The following L3MBTL2 variants were observed in gnomAD, a reference collection of about 807,000 sequenced individuals.
L3MBTL2 encodes lethal(3)malignant brain tumor-like protein 2.
Under a neutral mutation model 86.4 loss-of-function variants are expected in L3MBTL2, and 49 were observed. The ratio of observed to expected loss-of-function variants is 0.57; its 90% confidence interval spans 0.45 to 0.72. The LOEUF is 0.72. L3MBTL2 is among the 30% of genes least tolerant of loss of function. The pLI, the probability that L3MBTL2 is intolerant of heterozygous loss-of-function variation, is 0.00. For missense variants in L3MBTL2, 755 were observed against 923.7 expected (o/e 0.82, Z 2.37); for synonymous variants, 336 against 350.6 (o/e 0.96, Z 0.47).
At chr22:41,207,838 C>CTT (rs950677518) in intron 1 of L3MBTL2, among the ~76,000 whole-genome samples, 1 of 144,794 alleles carries the variant, frequency 6.9e-6, no homozygotes, top group Non-Finnish European at 1.5e-5. Context: ...CACCACCCAG[C>CTT]TTTTTTTTTT....
chr22:41,214,608 ACCTCATCTCAGGGG>A (rs1197399871), intron 3 of L3MBTL2: 5 of 152,048 alleles, frequency 3.3e-5, no homozygotes, highest in African/African-American at 1.2e-4. Context: ...TGAGGCTGGA[ACCTCATCTCAGGGG>A]CCTCATCTTA....
Position 41,230,746 on chromosome 22 carries a change from A to G in L3MBTL2, c.*495A>G, listed in dbSNP as rs565761482. On this transcript the variant is annotated 3_prime_UTR_variant, in exon 17 of 17. Coordinates refer to ENST00000216237, the MANE Select transcript of L3MBTL2 (RefSeq NM_031488.5). ...TGTGGTGGGGGCAGCCTCTGCCTCA[A>G]AAATTCACCAAGCAGAATGCCTCTC... 1 of 154,172 alleles carries G rather than the reference A, an allele frequency of 6.5e-6. No homozygotes were observed. Among genetic ancestry groups the G allele is most frequent in the East Asian group, 1.9e-4 (1 of 5,192 alleles). The allele number at this position is 154,172 out of a possible 1,614,324, so 9.6% of individuals were successfully genotyped here. A position where few individuals can be genotyped will look rare whatever the true frequency, so the allele number is the denominator to read the frequency against.
At position 41,227,480 on chromosome 22, in the gene L3MBTL2, C is replaced by A; in HGVS notation, c.1822+157C>A. On this transcript the variant is annotated intron_variant, in intron 14 of 16. Coordinates refer to ENST00000216237, the MANE Select transcript of L3MBTL2 (RefSeq NM_031488.5). The surrounding 1 kb of genome is among the most constrained non-coding windows in gnomAD (Gnocchi z 6.0). ...AGTGAGCCCCGTCACCCAGCCCCTG[C>A]TCCTGACTTCTCTGTCTCCCTTTCC... The A allele has an allele frequency of 8.1e-7, 1 of 1,228,130 alleles. No individual in the cohort carries two copies. The highest frequency in any genetic ancestry group is 1.2e-6 in the Non-Finnish European group (1 of 854,576). 76.1% of individuals were successfully genotyped at this position (1,228,130 alleles called of 1,614,324 possible). A position where few individuals can be genotyped will look rare whatever the true frequency, so the allele number is the denominator to read the frequency against.
chr22:41,220,820 C>G lies in L3MBTL2; in HGVS notation c.805C>G (p.Pro269Ala). The G allele has an allele frequency of 6.2e-7, 1 of 1,613,998 alleles. No homozygotes were observed. Among genetic ancestry groups the G allele is most frequent in the Non-Finnish European group, 8.5e-7 (1 of 1,179,936 alleles). ...WCNLGTVDVH[P>A]IGWCAINSKI... ...CAACCTGGGAACAGTGGATGTCCAC[C>G]CCATTGGCTGGTGTGCCATCAACAG... Residue 269 changes from proline to alanine, a missense_variant, in exon 7 of 17, where the codon CCC becomes GCC. Pro to Ala is a conservative substitution (Grantham distance 27). Transcript: ENST00000216237.
Position 41,227,635 on chromosome 22 carries a change from G to A in L3MBTL2, c.1823-169G>A, listed in dbSNP as rs967446933. On this transcript the variant is annotated intron_variant, in intron 14 of 16. Coordinates refer to ENST00000216237, the MANE Select transcript of L3MBTL2 (RefSeq NM_031488.5). The surrounding 1 kb of genome is among the most constrained non-coding windows in gnomAD (Gnocchi z 6.0). ...ACAAGGGTGGGAAGAAGGGACAGCT[G>A]TTCTCCGGCCCCTCCTCCAGCCCCG... is the stretch of plus-strand genomic sequence containing the variant. 1 of 1,549,026 alleles carries A rather than the reference G, an allele frequency of 6.5e-7. No homozygotes were observed.
chr22:41,223,451 A>T (rs2031971410), intron 8 of L3MBTL2, among the ~76,000 whole-genome samples: 1 of 152,194 alleles, frequency 6.6e-6, no homozygotes, highest in African/African-American at 2.4e-5. Context: ...GTCAGTTGCT[A>T]CCAAGGCACT....
At chr22:41,215,495 A>C (rs1242649991) in intron 3 of L3MBTL2, among the ~76,000 whole-genome samples, 1 of 152,212 alleles carries the variant, frequency 6.6e-6, no homozygotes, top group African/African-American at 2.4e-5. Flanking sequence ...TTTCTGCTTC[A>C]CTGATCTCTT....
At position 41,225,868 on chromosome 22, in the gene L3MBTL2, C is replaced by T. The variant is rs1032101784; in HGVS notation, c.1431C>T (p.Tyr477=). Reference sequence around the variant, plus strand: ...CAGATGGCTTGGACTGGTTCTGCTACCATGCCTCTTCCCACGCCATCTTCC... The same window carrying T: ...CAGATGGCTTGGACTGGTTCTGCTATCATGCCTCTTCCCACGCCATCTTCC... ...PSTDGLDWFC[Y]HASSHAIFPA... is the part of the protein sequence containing the mutation. Residue 477 remains tyrosine (Y), a synonymous_variant, in exon 12 of 17, where the codon TAC becomes TAT. Transcript: ENST00000216237. This position sits in a 1 kb window ranked among gnomAD's most constrained non-coding sequence, Gnocchi z 4.1. 2 of 1,614,168 alleles carry T rather than the reference C, an allele frequency of 1.2e-6. No homozygotes were observed. Among genetic ancestry groups the T allele is most frequent in the Non-Finnish European group, 1.7e-6 (2 of 1,180,020 alleles).
intron 1 of L3MBTL2, chr22:41,208,379 C>G (rs1025954161): frequency 1.4e-5 from 6 of 431,002 alleles, no homozygotes; most frequent in African/African-American, 1.2e-4. Flanking sequence ...ATCCACCTGC[C>G]TCAGCCTCCC....
At chr22:41,213,830 C>T (rs1015601460) in intron 2 of L3MBTL2, 63 bp from the exon 3 acceptor site, 2 of 1,591,552 alleles carry the variant, frequency 1.3e-6, no homozygotes, top group African/African-American at 2.7e-5. Context: ...TTGAAGGGCC[C>T]ATCACTTTGT....
chr22:41,229,849 C>T (rs1322356042), intron 16 of L3MBTL2, 193 bp downstream of exon 16: 4 of 935,370 alleles, frequency 4.3e-6, no homozygotes, highest in South Asian at 1.4e-5. Flanking sequence ...GAGCTGAGTC[C>T]CCCTCTAGCC....
intron 8 of L3MBTL2, among the ~76,000 whole-genome samples, chr22:41,223,222 G>T (rs139474): frequency 6.6e-6 from 1 of 152,008 alleles, no homozygotes; most frequent in Non-Finnish European, 1.5e-5. Flanking sequence ...TTCCTTCCTG[G>T]TGTGTTTGGA....
At chr22:41,226,242 A>C (rs563482257) in intron 12 of L3MBTL2, among the ~76,000 whole-genome samples, 2 of 151,360 alleles carry the variant, frequency 1.3e-5, no homozygotes, top group East Asian at 2.0e-4. Flanking sequence ...ATGCCATTGC[A>C]CTCCAGCCTG....
In L3MBTL2 at chr22:41,209,166, C is replaced by T. The variant is rs762440018; in HGVS notation, c.25-530C>T. ...TCACGCAGACTGGAGTGCAGTGGCA[C>T]GATCTTGGCCCACTACAACCTTTGC... On this transcript the variant is annotated intron_variant, in intron 1 of 16. Transcript: ENST00000216237. The T allele has an allele frequency of 3.9e-5, 6 of 154,830 alleles. No homozygotes were observed. The South Asian group carries it at 6.0e-4, about 15-fold the overall frequency. 9.6% of individuals were successfully genotyped at this position (154,830 alleles called of 1,614,324 possible).
chr22:41,220,514 C>T (rs965097361), intron 6 of L3MBTL2, among the ~76,000 whole-genome samples: 5 of 151,984 alleles, frequency 3.3e-5, no homozygotes, highest in Non-Finnish European at 5.9e-5. Context: ...GGTGAAACCC[C>T]GTCTCTATTT....
intron 5 of L3MBTL2, 48 bp from the exon 6 acceptor site, chr22:41,219,371 G>A (rs1335537223): frequency 7.0e-7 from 1 of 1,425,588 alleles, no homozygotes; most frequent in Admixed American, 1.7e-5. Context: ...TGTCTCCCCT[G>A]CTAGCACAGT....
chr22:41,224,023 G>A lies in L3MBTL2; in HGVS notation c.946G>A (p.Val316Met), dbSNP rs775030325. The A allele has an allele frequency of 6.2e-7, 1 of 1,613,832 alleles. No individual in the cohort carries two copies. Among genetic ancestry groups the A allele is most frequent in the Non-Finnish European group, 8.5e-7 (1 of 1,179,834 alleles). Reference protein sequence around the residue: ...TLPVDFHIKMVESMKYPFRQG... With the variant: ...TLPVDFHIKMMESMKYPFRQG... Reference sequence around the variant, plus strand: ...CTGTGTTCTGACGTCGTTTCAGATGGTGGAGAGCATGAAGTACCCCTTTAG... The same window carrying A: ...CTGTGTTCTGACGTCGTTTCAGATGATGGAGAGCATGAAGTACCCCTTTAG... Residue 316 changes from valine (V) to methionine (M), a missense_variant, in exon 9 of 17, where the codon GTG (valine) becomes ATG (methionine). Val to Met is a conservative substitution (Grantham distance 21, BLOSUM62 1). Around this residue, in one of 3 missense-constraint regions of L3MBTL2, gnomAD observed 634 missense variants for 748.9 expected, o/e 0.85. Transcript: ENST00000216237. The surrounding 1 kb of genome is among the most constrained non-coding windows in gnomAD (Gnocchi z 4.9).
In L3MBTL2 at chr22:41,224,389, G is replaced by C. The variant is rs2032044057; in HGVS notation, c.1174+138G>C. ...CCTGCAGTGATGATACTGAGCTCCA[G>C]AGAGCTTGAGTAACTTGACAAAAGT... On this transcript the variant is annotated intron_variant, in intron 9 of 16. Transcript: ENST00000216237. The surrounding 1 kb of genome is among the most constrained non-coding windows in gnomAD (Gnocchi z 4.9). The C allele has an allele frequency of 4.7e-6, 3 of 643,216 alleles. No homozygotes were observed. Among genetic ancestry groups the C allele is most frequent in the African/African-American group, 3.7e-5 (2 of 54,628 alleles). The allele number at this position is 643,216 out of a possible 1,614,324, so 39.8% of individuals were successfully genotyped here.
chr22:41,205,922 G>T (rs2030175790), intron 1 of L3MBTL2: 2 of 157,974 alleles, frequency 1.3e-5, no homozygotes, highest in African/African-American at 4.8e-5. Flanking sequence ...CACTAAGTCT[G>T]TCCGCCTCTG....
Sources: gnomAD v4.1 joint callset for allele counts (sites outside exome capture counted in the v4.1 genomes callset) on GRCh38, gnomAD v4.1.1 for gene constraint, gnomAD v4.1.1 regional missense constraint, Gnocchi (gnomAD v3.1) non-coding constraint, MANE v1.5 for transcripts, NCBI Gene and HGNC (gene_info 2026-07-23, HGNC 2026-07-21) for gene names.